LRP1B: variants seen among roughly 807,000 people sequenced by gnomAD.
The protein encoded by LRP1B is low-density lipoprotein receptor-related protein 1B.
LRP1B carries 217 observed loss-of-function variants against 556.6 expected under a neutral mutation model. The ratio of observed to expected loss-of-function variants is 0.39; its 90% CI spans 0.35 to 0.44. The LOEUF is 0.44. LRP1B is among the 20% of genes least tolerant of loss of function. LRP1B has a pLI of 1.00. For missense variants in LRP1B, 5,053 were observed against 5,620.8 expected, an observed-to-expected ratio of 0.90 and a Z score of 3.23; for synonymous variants, 2,047 against 1,865.8, an observed-to-expected ratio of 1.10 and a Z score of -2.50.
At chr2:140,727,659 G>A (rs1254460637) in intron 35 of LRP1B, among the ~76,000 whole-genome samples, 1 of 152,034 alleles carries the variant, frequency 6.6e-6, no homozygotes, top group African/African-American at 2.4e-5. Context: ...TAGCAGGAGG[G>A]GACAACAAAA....
chr2:141,424,843 C>T (rs1320231018), intron 3 of LRP1B, among the ~76,000 whole-genome samples: 1 of 152,214 alleles, frequency 6.6e-6, no homozygotes, highest in Non-Finnish European at 1.5e-5. Flanking sequence ...TTGGGATAAC[C>T]TTGTAGTGAG....
intron 2 of LRP1B, among the ~76,000 whole-genome samples, chr2:141,804,843 G>A (rs986928376): frequency 6.6e-6 from 1 of 152,050 alleles, no homozygotes; most frequent in African/African-American, 2.4e-5. Flanking sequence ...GGTTAAATTA[G>A]TTGTCCAAGA....
chr2:141,621,526 A>C (rs1688503895), intron 2 of LRP1B, among the ~76,000 whole-genome samples: 1 of 152,200 alleles, frequency 6.6e-6, no homozygotes, highest in South Asian at 2.1e-4. Flanking sequence ...TATTCCCTTA[A>C]ACTACACGTA....
At chr2:141,714,570 A>AGGGAAC in intron 2 of LRP1B, among the ~76,000 whole-genome samples, 1 of 149,556 alleles carries the variant, frequency 6.7e-6, no homozygotes, top group South Asian at 2.1e-4. Flanking sequence ...ATCTGAATGT[A>AGGGAAC]CCTATTGATT....
chr2:140,849,239 G>T (rs375159460), intron 29 of LRP1B, among the ~76,000 whole-genome samples: 1 of 148,568 alleles, frequency 6.7e-6, no homozygotes, highest in Admixed American at 6.7e-5. Context: ...CAGGTGTGGT[G>T]GTGGGTGCCT....
intron 3 of LRP1B, among the ~76,000 whole-genome samples, chr2:141,435,473 G>T (rs1056961767): frequency 6.6e-6 from 1 of 152,068 alleles, no homozygotes; most frequent in Non-Finnish European, 1.5e-5. Flanking sequence ...TCTTGACAAA[G>T]TCCTAAGGCA....
intron 35 of LRP1B, among the ~76,000 whole-genome samples, chr2:140,766,238 A>C (rs923550295): frequency 1.3e-4 from 20 of 152,008 alleles, no homozygotes; most frequent in African/African-American, 4.8e-4. Context: ...AGACTGACAC[A>C]ACAAAAAAGG....
intron 2 of LRP1B, among the ~76,000 whole-genome samples, chr2:141,582,827 C>CTTTTTT (rs869158175): frequency 4.2e-5 from 3 of 71,752 alleles, no homozygotes; most frequent in Admixed American, 2.4e-4. Flanking sequence ...ACCTATTAAA[C>CTTTTTT]TTTTTTTTTT....
At chr2:141,845,797 CATT>C (rs1185545718) in intron 1 of LRP1B, among the ~76,000 whole-genome samples, 1 of 151,738 alleles carries the variant, frequency 6.6e-6, no homozygotes, top group Non-Finnish European at 1.5e-5. Context: ...ATAAAAGAAA[CATT>C]ATAAACATTG....
At chr2:141,045,327 G>T (rs182725148) in intron 11 of LRP1B, among the ~76,000 whole-genome samples, 1 of 150,278 alleles carries the variant, frequency 6.7e-6, no homozygotes, top group Non-Finnish European at 1.5e-5. Context: ...GCTAGATGAC[G>T]AGATAGTGGG....
At chr2:140,943,149 A>C (rs1695449433) in intron 20 of LRP1B, among the ~76,000 whole-genome samples, 1 of 152,138 alleles carries the variant, frequency 6.6e-6, no homozygotes, top group Non-Finnish European at 1.5e-5. Flanking sequence ...TATCAAGTAA[A>C]ATAGACTTTA....
intron 2 of LRP1B, among the ~76,000 whole-genome samples, chr2:141,780,157 A>G (rs188958580): frequency 1.1e-4 from 17 of 151,850 alleles, no homozygotes; most frequent in Admixed American, 5.9e-4. Flanking sequence ...ATAAATACTA[A>G]CACTATGAGA....
chr2:140,972,732 T>C (rs1696469142), intron 18 of LRP1B, among the ~76,000 whole-genome samples: 1 of 84,676 alleles, frequency 1.2e-5, no homozygotes. Flanking sequence ...AGTTTGTCAG[T>C]ATTTATAATG....
chr2:141,519,404 A>ATATATATATATATATATAT (rs1559118212), intron 2 of LRP1B, among the ~76,000 whole-genome samples: 1 of 9,380 alleles, frequency 1.1e-4, no homozygotes. Flanking sequence ...TATATATATG[A>ATATATATATATATATATAT]AATGCAATAT....
At chr2:141,140,505 A>G (rs764930242) in intron 7 of LRP1B, among the ~76,000 whole-genome samples, 46 of 152,246 alleles carry the variant, frequency 3.0e-4, no homozygotes, top group Middle Eastern at 3.4e-3. Context: ...AGAAGTAATT[A>G]GGGTTAAATG....
chr2:141,979,270 G>A (rs764012796), intron 1 of LRP1B, among the ~76,000 whole-genome samples: 2 of 152,170 alleles, frequency 1.3e-5, no homozygotes, highest in South Asian at 2.1e-4. Flanking sequence ...AGATAGAAAT[G>A]TTTATGAGAA....
At chr2:140,512,596 T>C (rs982095629) in intron 51 of LRP1B, among the ~76,000 whole-genome samples, 1 of 152,114 alleles carries the variant, frequency 6.6e-6, no homozygotes, top group Non-Finnish European at 1.5e-5. Flanking sequence ...CTCAGGAAAA[T>C]GTATTAATTT....
At chr2:141,950,838 T>A (rs576264458) in intron 1 of LRP1B, among the ~76,000 whole-genome samples, 4 of 152,142 alleles carry the variant, frequency 2.6e-5, no homozygotes, top group Admixed American at 2.6e-4. Flanking sequence ...GTCAACTAAC[T>A]TTTGGTGTTT....
In LRP1B at chr2:140,327,317, T is replaced by A. The variant is rs775288019; in HGVS notation, c.12224-1439A>T. Reference sequence around the variant, plus strand: ...TAATTCTTCAGTTAAATACAAATATTTAGCTCACATGTAATCGAACTAAAT... The same window carrying A: ...TAATTCTTCAGTTAAATACAAATATATAGCTCACATGTAATCGAACTAAAT... On this transcript the variant is annotated intron_variant, in intron 79 of 90. Coordinates refer to ENST00000389484, the MANE Select transcript of LRP1B (RefSeq NM_018557.3). 3.4e-4 allele frequency among the ~76,000 whole-genome samples: 52 copies of A among 152,098 alleles called. 1 individual carries two copies. Among genetic ancestry groups the A allele is most frequent in the Non-Finnish European group, 5.9e-5 (4 of 68,006 alleles).
Sources: gnomAD v4.1 joint callset for allele counts (sites outside exome capture counted in the v4.1 genomes callset) on GRCh38, gnomAD v4.1.1 for gene constraint, MANE v1.5 for transcripts, NCBI Gene and HGNC (gene_info 2026-07-23, HGNC 2026-07-21) for gene names.